Variants in DNAH10 observed in about 807,000 individuals in gnomAD.
DNAH10 encodes axonemal beta dynein heavy chain 10.
In DNAH10, 348 loss-of-function variants were observed where a neutral mutation model predicts 506.6. The ratio of observed to expected loss-of-function variants is 0.69; its 90% CI spans 0.63 to 0.75. DNAH10 has a LOEUF of 0.75. Among genes scored for constraint, DNAH10 ranks in the 30% least tolerant of loss-of-function variants. DNAH10 has a pLI of 0.00. For synonymous variants in DNAH10, 2,059 were observed against 2,198.6 expected, an observed-to-expected ratio of 0.94 and a Z score of 1.78; for missense variants, 5,179 against 5,787.1, an observed-to-expected ratio of 0.89 and a Z score of 3.41.
At chr12:123,768,291 C>T (rs898371278) in intron 2 of DNAH10, among the ~76,000 whole-genome samples, 9 of 152,120 alleles carry the variant, frequency 5.9e-5, no homozygotes, top group Admixed American at 6.5e-5. Flanking sequence ...CCCACCACCA[C>T]GCCCAGCTAA....
chr12:123,850,768 G>A lies in DNAH10; in HGVS notation c.6103-120G>A. On this transcript the variant is annotated intron_variant, in intron 34 of 78. Coordinates refer to ENST00000673944, the MANE Select transcript of DNAH10 (RefSeq NM_001372106.1). The surrounding 1 kb of genome is among the most constrained non-coding windows in gnomAD (Gnocchi z 5.5). ...GGGGAGGGAAAAAGAGACAAGTGGTGTTGTCAGCCTCATACCATGAAAATG... is the reference window on the plus strand; with the variant it reads ...GGGGAGGGAAAAAGAGACAAGTGGTATTGTCAGCCTCATACCATGAAAATG... 2 of 1,024,530 alleles carry A rather than the reference G, an allele frequency of 2.0e-6. No individual in the cohort carries two copies. Among genetic ancestry groups the A allele is most frequent in the Non-Finnish European group, 2.8e-6 (2 of 723,562 alleles). The allele number at this position is 1,024,530 out of a possible 1,614,324, so 63.5% of individuals were successfully genotyped here.
intron 51 of DNAH10, among the ~76,000 whole-genome samples, chr12:123,883,656 A>T (rs1952605945): frequency 1.3e-5 from 2 of 152,244 alleles, no homozygotes; most frequent in Non-Finnish European, 2.9e-5. Context: ...TAAGCTGAAA[A>T]GTGTACCCTA....
intron 59 of DNAH10, 105 bp downstream of exon 59, chr12:123,910,777 C>A (rs1027963742): frequency 9.9e-6 from 14 of 1,420,138 alleles, no homozygotes; most frequent in African/African-American, 1.5e-5. Flanking sequence ...GAGGTTCTGA[C>A]TTCAAGCTGC....
chr12:123,896,144 C>CATAG (rs1566064148), intron 54 of DNAH10, among the ~76,000 whole-genome samples: 1 of 110,636 alleles, frequency 9.0e-6, no homozygotes, highest in Non-Finnish European at 1.8e-5. Context: ...CACACACACA[C>CATAG]ACACAGAGAG....
At chr12:123,895,531 C>T (rs528142019) in intron 54 of DNAH10, among the ~76,000 whole-genome samples, 11 of 152,212 alleles carry the variant, frequency 7.2e-5, no homozygotes, top group African/African-American at 1.2e-4. Context: ...ACAGCTTTTT[C>T]GCAACTACTC....
At chr12:123,924,545 G>A in intron 67 of DNAH10, 113 bp downstream of exon 67, 2 of 1,308,044 alleles carry the variant, frequency 1.5e-6, no homozygotes, top group Non-Finnish European at 2.1e-6. Flanking sequence ...AACCCATTCA[G>A]TGTGTAACTG....
At chr12:123,763,374 C>T (rs943683066) in intron 1 of DNAH10, among the ~76,000 whole-genome samples, 4 of 137,990 alleles carry the variant, frequency 2.9e-5, no homozygotes, top group African/African-American at 1.4e-4. Flanking sequence ...CGCAGGAGCA[C>T]CAGCTGGAGC....
At position 123,931,579 on chromosome 12, in the gene DNAH10, A is replaced by G. The variant is rs781734540; in HGVS notation, c.12917-57A>G. Reference sequence around the variant, plus strand: ...CTTTCCCAGAACTGGAAGGCTCAGGAGGCTCCGGTTCTGCACGTGGATGCC... The same window carrying G: ...CTTTCCCAGAACTGGAAGGCTCAGGGGGCTCCGGTTCTGCACGTGGATGCC... On this transcript the variant is annotated intron_variant, in intron 74 of 78. Transcript: ENST00000673944. 2.1e-4 allele frequency: 336 copies of G among 1,608,100 alleles called. 1 individual carries two copies. The highest frequency in any genetic ancestry group is 2.6e-4 in the Non-Finnish European group (308 of 1,176,474).
chr12:123,929,359 C>T lies in DNAH10; in HGVS notation c.12391C>T (p.Pro4131Ser). ...KISHEMLDQC[P>S]HPAFKPLVYV... Reference sequence around the variant, plus strand: ...CTCTCACGAAATGCTGGACCAGTGCCCGCACCCTGCCTTCAAGCCGCTGGT... The same window carrying T: ...CTCTCACGAAATGCTGGACCAGTGCTCGCACCCTGCCTTCAAGCCGCTGGT... Residue 4131 changes from proline to serine, a missense_variant, in exon 71 of 79, where the codon CCG (proline) becomes TCG (serine). Physicochemically the swap from Pro to Ser is moderately conservative, Grantham distance 74. This residue lies in a region of DNAH10 where 4,844 missense variants were observed against 5,430.5 expected (regional missense o/e 0.89). Coordinates refer to ENST00000673944, the MANE Select transcript of DNAH10 (RefSeq NM_001372106.1). 2.5e-6 allele frequency: 4 copies of T among 1,610,834 alleles called. No homozygotes were observed. The highest frequency in any genetic ancestry group is 3.4e-6 in the Non-Finnish European group (4 of 1,178,600).
At chr12:123,814,844 C>T (rs1012728575) in intron 21 of DNAH10, among the ~76,000 whole-genome samples, 12 of 152,132 alleles carry the variant, frequency 7.9e-5, no homozygotes, top group African/African-American at 2.9e-4. Context: ...GTCTCGATCT[C>T]CTGACCTTGT....
At chr12:123,856,641 T>C (rs1951403131) in intron 36 of DNAH10, among the ~76,000 whole-genome samples, 1 of 150,554 alleles carries the variant, frequency 6.6e-6, no homozygotes, top group South Asian at 2.1e-4. Flanking sequence ...CATATATGTG[T>C]ATATTATATA....
At chr12:123,866,229 CTTTTTTT>C (rs71088963) in intron 41 of DNAH10, among the ~76,000 whole-genome samples, 156 bp downstream of exon 41, 13 of 58,208 alleles carry the variant, frequency 2.2e-4, no homozygotes, top group South Asian at 7.8e-4. Flanking sequence ...GGCAGACACA[CTTTTTTT>C]TTTTTTTTTT....
Position 123,820,562 on chromosome 12 carries a change from G to A in DNAH10, c.4001-18G>A, listed in dbSNP as rs745841781. 18 of 1,608,334 alleles carry A rather than the reference G, an allele frequency of 1.1e-5. No individual in the cohort carries two copies. Among genetic ancestry groups the A allele is most frequent in the Admixed American group, 8.4e-5 (5 of 59,188 alleles). On this transcript the variant is annotated intron_variant, in intron 23 of 78. Coordinates refer to ENST00000673944, the MANE Select transcript of DNAH10 (RefSeq NM_001372106.1). The stretch of plus-strand genomic sequence containing the variant: ...TTAAAATTGTATTTATTCACTCATC[G>A]GTGTATTTATTTACTAGGAGTAGAG...
chr12:123,842,043 C>T (rs1014479237), intron 30 of DNAH10, among the ~76,000 whole-genome samples: 11 of 152,226 alleles, frequency 7.2e-5, no homozygotes, highest in African/African-American at 2.7e-4. Context: ...TCAATGATCA[C>T]CCGATGCAGT....
At chr12:123,933,199 G>A (rs987464464) in intron 76 of DNAH10, 132 bp from the exon 77 acceptor site, 8 of 798,766 alleles carry the variant, frequency 1.0e-5, no homozygotes, top group Middle Eastern at 8.0e-4. Context: ...CAGGCGGCCA[G>A]TTGTGCCAAC....
At chr12:123,827,309 A>G (rs552941387) in intron 25 of DNAH10, among the ~76,000 whole-genome samples, 1 of 152,380 alleles carries the variant, frequency 6.6e-6, no homozygotes, top group East Asian at 1.9e-4. Context: ...AATTAACTCA[A>G]TATATCCCAA....
intron 47 of DNAH10, 44 bp downstream of exon 47, chr12:123,875,535 T>G: frequency 6.2e-7 from 1 of 1,607,980 alleles, no homozygotes; most frequent in East Asian, 2.2e-5. Context: ...AGACCTTGTG[T>G]TGGGGGGAAA....
intron 23 of DNAH10, among the ~76,000 whole-genome samples, chr12:123,820,117 G>A (rs954688305): frequency 6.6e-6 from 1 of 152,190 alleles, no homozygotes; most frequent in African/African-American, 2.4e-5. Flanking sequence ...GTTTATTTAA[G>A]GATGCTCAAA....
chr12:123,934,567 C>T (rs763112470), intron 77 of DNAH10, 54 bp from the exon 78 acceptor site: 64 of 1,600,322 alleles, frequency 4.0e-5, no homozygotes, highest in Non-Finnish European at 5.1e-5. Context: ...AGAGCCACTC[C>T]GTGGCAGGCT....
Sources: allele counts gnomAD v4.1 joint callset (sites outside exome capture counted in the v4.1 genomes callset), GRCh38; gene constraint gnomAD v4.1.1; regional missense constraint gnomAD v4.1.1; non-coding constraint Gnocchi (gnomAD v3.1); transcripts MANE v1.5; gene names NCBI Gene and HGNC (gene_info 2026-07-23, HGNC 2026-07-21).